The following HLCS variants were observed in gnomAD, a reference collection of about 807,000 sequenced individuals.
The protein encoded by HLCS is holocarboxylase synthetase.
A neutral mutation model predicts 75.0 loss-of-function variants in HLCS; 53 were observed. The observed-to-expected ratio is 0.71, with a 90% CI of 0.57 to 0.89. HLCS has a LOEUF of 0.89. Ranked by LOEUF, HLCS falls within the 40% of genes least tolerant of loss-of-function variation. The pLI, the probability that HLCS is intolerant of heterozygous loss-of-function variation, is 0.00. For missense variants in HLCS, 966 were observed against 1,074.0 expected (o/e 0.90, Z 1.41); for synonymous variants, 431 against 428.6 (o/e 1.01, Z -0.07).
chr21:36,971,193 A>C (rs1168466364), upstream of HLCS, among the ~76,000 whole-genome samples: 1 of 152,178 alleles, frequency 6.6e-6, no homozygotes, highest in Non-Finnish European at 1.5e-5. Flanking sequence ...ACTATTGGAA[A>C]TATGCATTTG....
chr21:36,983,783 G>C (rs919891401), intron 1 of HLCS, among the ~76,000 whole-genome samples: 2 of 151,408 alleles, frequency 1.3e-5, no homozygotes, highest in Admixed American at 6.6e-5. Flanking sequence ...CTTGCAGTGA[G>C]ACGAGATGGT....
At chr21:36,923,656 T>G (rs2066274982) in intron 5 of HLCS, among the ~76,000 whole-genome samples, 1 of 152,164 alleles carries the variant, frequency 6.6e-6, no homozygotes, top group African/African-American at 2.4e-5. Flanking sequence ...GGCACACTTG[T>G]GGAAACAAGA....
chr21:36,840,749 A>T lies in HLCS; in HGVS notation c.1892+56111T>A, dbSNP rs1440464897. ...CGCCTCAGCCTCCCGAATAGCTGGG[A>T]TTACAGGCGCCCACCACCACGCCTG... On this transcript the variant is annotated intron_variant, in intron 6 of 10. Transcript: ENST00000674895. Among the ~76,000 whole-genome samples the T allele has an allele frequency of 3.9e-5, 6 of 152,168 alleles. No homozygotes were observed. In the East Asian group the frequency reaches 1.2e-3, roughly 29 times the overall value.
intron 5 of HLCS, among the ~76,000 whole-genome samples, chr21:36,927,312 A>C (rs1474481554): frequency 2.0e-5 from 3 of 152,144 alleles, no homozygotes; most frequent in Non-Finnish European, 2.9e-5. Context: ...ATCACACGCT[A>C]CCATGGTGTC....
intron 6 of HLCS, among the ~76,000 whole-genome samples, chr21:36,833,343 G>A (rs2062281793): frequency 6.6e-6 from 1 of 151,066 alleles, no homozygotes; most frequent in African/African-American, 2.4e-5. Flanking sequence ...TCAGCACTTT[G>A]GGAGGCCAAG....
At chr21:36,780,507 C>T (rs780440262) in intron 6 of HLCS, among the ~76,000 whole-genome samples, 21 of 152,118 alleles carry the variant, frequency 1.4e-4, no homozygotes, top group South Asian at 8.3e-4. Context: ...CATAAGCCAC[C>T]GCACCCGGCT....
At chr21:36,905,357 C>T (rs1280994059) in intron 5 of HLCS, among the ~76,000 whole-genome samples, 2 of 152,110 alleles carry the variant, frequency 1.3e-5, no homozygotes, top group African/African-American at 4.8e-5. Context: ...CTTGAGATGG[C>T]TACGTAAGCA....
chr21:36,883,941 G>A (rs2064338447), intron 6 of HLCS, among the ~76,000 whole-genome samples: 1 of 152,218 alleles, frequency 6.6e-6, no homozygotes, highest in Non-Finnish European at 1.5e-5. Context: ...TAATGAGTCA[G>A]CAGCCACAGC....
chr21:36,979,775 G>A (rs1185176468), intron 1 of HLCS, among the ~76,000 whole-genome samples: 1 of 151,930 alleles, frequency 6.6e-6, no homozygotes, highest in African/African-American at 2.4e-5. Flanking sequence ...TTAGCCAGGC[G>A]GCCAGGTGTG....
Position 36,752,920 on chromosome 21 carries a change from C to T in HLCS, c.*1326G>A, listed in dbSNP as rs751998662. 3.3e-5 allele frequency: 5 copies of T among 152,544 alleles called. No homozygotes were observed. Among genetic ancestry groups the T allele is most frequent in the African/African-American group, 4.8e-5 (2 of 41,418 alleles). 9.4% of individuals were successfully genotyped at this position (152,544 alleles called of 1,614,324 possible). A position where few individuals can be genotyped will look rare whatever the true frequency, so the allele number is the denominator to read the frequency against. On this transcript the variant is annotated 3_prime_UTR_variant, in exon 11 of 11. Coordinates refer to ENST00000674895, the MANE Select transcript of HLCS (RefSeq NM_001352514.2). The stretch of plus-strand genomic sequence containing the variant: ...AAAGCTCCATCAAACTTTCTTTCCA[C>T]TAATTTCAGCTGGGACTGGAAGAGA...
At chr21:36,844,113 A>G (rs1601482567) in intron 6 of HLCS, among the ~76,000 whole-genome samples, 1 of 152,178 alleles carries the variant, frequency 6.6e-6, no homozygotes, top group Admixed American at 6.6e-5. Flanking sequence ...TCAGTCAATA[A>G]TGCTCCCTCT....
chr21:36,954,278 G>A (rs758431446), intron 2 of HLCS, among the ~76,000 whole-genome samples: 53 of 150,152 alleles, frequency 3.5e-4, no homozygotes, highest in Admixed American at 7.3e-4. Flanking sequence ...ACTCCAGCCT[G>A]GCGACAGAGC....
At chr21:36,956,239 T>C (rs1045662371) in intron 2 of HLCS, among the ~76,000 whole-genome samples, 1 of 151,910 alleles carries the variant, frequency 6.6e-6, no homozygotes, top group Non-Finnish European at 1.5e-5. Context: ...CAGGAGCAAG[T>C]AGATGGACTC....
intron 6 of HLCS, among the ~76,000 whole-genome samples, chr21:36,861,946 C>T (rs933073611): frequency 2.6e-5 from 4 of 152,194 alleles, no homozygotes; most frequent in African/African-American, 9.7e-5. Flanking sequence ...CCTCCACCCC[C>T]CTCAACCAAT....
At chr21:36,778,249 G>A (rs907569155) in intron 6 of HLCS, among the ~76,000 whole-genome samples, 3 of 152,140 alleles carry the variant, frequency 2.0e-5, no homozygotes, top group Non-Finnish European at 4.4e-5. Context: ...GATTACAGGC[G>A]TGAGCCACTG....
intron 1 of HLCS, among the ~76,000 whole-genome samples, chr21:36,963,736 G>C (rs567171697): frequency 7.2e-5 from 11 of 151,754 alleles, no homozygotes; most frequent in Non-Finnish European, 1.5e-4. Context: ...TGGGCAACAA[G>C]AGCAAAACTC....
At chr21:36,919,182 A>T (rs1299255866) in intron 5 of HLCS, among the ~76,000 whole-genome samples, 2 of 152,238 alleles carry the variant, frequency 1.3e-5, no homozygotes, top group Non-Finnish European at 2.9e-5. Flanking sequence ...TAAATGGATA[A>T]CTGTGAAAGA....
intron 2 of HLCS, 140 bp downstream of exon 2, chr21:36,961,896 G>T (rs2068310846): frequency 7.4e-6 from 3 of 405,986 alleles, no homozygotes; most frequent in Middle Eastern, 1.2e-3. Context: ...GGAGGTCCCA[G>T]TGAGCCGAGA....
rs1429795430 is a variant in HLCS, at chr21:36,966,453, G to C, written c.186C>G (p.Ser62Arg). 4 of 971,316 alleles carry C rather than the reference G, an allele frequency of 4.1e-6. No individual in the cohort carries two copies. The highest frequency in any genetic ancestry group is 3.6e-5 in the African/African-American group (2 of 54,916). 60.2% of individuals were successfully genotyped at this position (971,316 alleles called of 1,614,324 possible). Residue 62 changes from serine to arginine, a missense_variant, in exon 1 of 11, where the codon AGC becomes AGG. By Grantham distance (110) the Ser-to-Arg change is moderately radical. Transcript: ENST00000674895. Reference sequence around the variant, plus strand: ...CGCCCGACCCGCCCACCTGGCTGTCGCTGACGCAGAAGACGCGGCCGCCAC... The same window carrying C: ...CGCCCGACCCGCCCACCTGGCTGTCCCTGACGCAGAAGACGCGGCCGCCAC... ...LSRGGRVFCV[S>R]DSQSIEDLNK...
Sources: gnomAD v4.1 joint callset for allele counts (sites outside exome capture counted in the v4.1 genomes callset) on GRCh38, gnomAD v4.1.1 for gene constraint, MANE v1.5 for transcripts, NCBI Gene and HGNC (gene_info 2026-07-23, HGNC 2026-07-21) for gene names.